BRME1: variants seen among roughly 807,000 people sequenced by gnomAD.
The protein encoded by BRME1 is BRCA2 and MEILB2-associating protein 1.
Under a neutral mutation model 52.6 loss-of-function variants are expected in BRME1, and 31 were observed. The ratio of observed to expected loss-of-function variants is 0.59; its 90% CI spans 0.44 to 0.80. The LOEUF (loss-of-function observed/expected upper bound fraction) is 0.80, where lower values mean the gene tolerates loss of function less well. Among genes scored for constraint, BRME1 ranks in the 30% least tolerant of loss-of-function variants. The pLI is 0.00. For missense variants in BRME1, 804 were observed against 860.3 expected, an observed-to-expected ratio of 0.93 and a Z score of 0.82; for synonymous variants, 359 against 353.6, an observed-to-expected ratio of 1.02 and a Z score of -0.17.
Position 13,889,626 on chromosome 19 carries a change from A to T in BRME1, c.1230T>A (p.Asp410Glu). 6.2e-7 allele frequency: 1 copy of T among 1,608,484 alleles called. No individual in the cohort carries two copies. Among genetic ancestry groups the T allele is most frequent in the South Asian group, 1.1e-5 (1 of 90,690 alleles). Residue 410 changes from aspartate (D) to glutamate (E), a missense_variant, in exon 6 of 9, where the codon GAT becomes GAA. By Grantham distance (45) the Asp-to-Glu change is conservative. Transcript: ENST00000586783. The part of the protein sequence containing the change: ...EAGQDGKPPG[D>E]VLVGPTASLA... ...GGGAGGCTGTAGGGCCCACTAGGAC[A>T]TCGCCGGGGGGCTTGCCATCCTGCC... is the stretch of plus-strand genomic sequence containing the variant.
rs142083822 is a variant in BRME1 at position 13,882,909 on chromosome 19, G to T, written c.1900C>A (p.Arg634Ser). Residue 634 changes from arginine to serine, a missense_variant, in exon 9 of 9, where the codon CGC becomes AGC. Physicochemically the swap from Arg to Ser is moderately radical, Grantham distance 110. This residue lies in a region of BRME1 where 552 missense variants were observed against 561.1 expected (regional missense o/e 0.98). Coordinates refer to ENST00000586783, the MANE Select transcript of BRME1 (RefSeq NM_001345843.2). Reference sequence around the variant, plus strand: ...AGCTTTGTCTTCCGGTAGTTAAGGCGCTTGAAAGCTTCCAGGTCCCGGTGG... The same window carrying T: ...AGCTTTGTCTTCCGGTAGTTAAGGCTCTTGAAAGCTTCCAGGTCCCGGTGG... ...GTHRDLEAFK[R>S]LNYRKTKLGG... 57 of 1,613,926 alleles carry T rather than the reference G, an allele frequency of 3.5e-5. No individual in the cohort carries two copies. Among genetic ancestry groups the T allele is most frequent in the Middle Eastern group, 3.3e-4 (2 of 6,012 alleles).
At position 13,890,626 on chromosome 19, in the gene BRME1, A is replaced by G. The variant is rs147832236; in HGVS notation, c.394-164T>C. Among the ~76,000 whole-genome samples the G allele has an allele frequency of 5.2e-3, 786 of 152,244 alleles. 14 individuals carry two copies. Among genetic ancestry groups the G allele is most frequent in the African/African-American group, 0.018 (754 of 41,540 alleles). Reference sequence around the variant, plus strand: ...ATGCCTGTAATCCCAGCACTTTGGGAGGCCGAGGTGGGCGGATCACTTGAG... The same window carrying G: ...ATGCCTGTAATCCCAGCACTTTGGGGGGCCGAGGTGGGCGGATCACTTGAG... On this transcript the variant is annotated intron_variant, in intron 5 of 8. Coordinates refer to ENST00000586783, the MANE Select transcript of BRME1 (RefSeq NM_001345843.2).
At position 13,889,878 on chromosome 19, in the gene BRME1, A is replaced by G. The variant is rs781512318; in HGVS notation, c.978T>C (p.His326=). 2 of 1,613,060 alleles carry G rather than the reference A, an allele frequency of 1.2e-6. No homozygotes were observed. Among genetic ancestry groups the G allele is most frequent in the African/African-American group, 2.7e-5 (2 of 74,926 alleles). The change falls in exon 6 of 9, where the codon CAT becomes CAC. Residue 326 remains histidine, a synonymous_variant. Transcript: ENST00000586783. ...CGAGGGAGGAGCATCCCAGGCTGCT[A>G]TGAGTCCCTTCCCCTTCCCTACCCA... ...SRMGREGEGT[H]SSLGCSSLGM...
intron 3 of BRME1, 45 bp downstream of exon 3, chr19:13,895,327 G>A: frequency 6.3e-7 from 1 of 1,579,338 alleles, no homozygotes; most frequent in Non-Finnish European, 8.6e-7. Context: ...TGTGCTATGT[G>A]GACTGTCAGT....
chr19:13,890,933 T>A (rs184917010), intron 5 of BRME1, among the ~76,000 whole-genome samples: 1 of 152,128 alleles, frequency 6.6e-6, no homozygotes, highest in East Asian at 1.9e-4. Flanking sequence ...GTCACCACCC[T>A]GTTCAAAGAC....
chr19:13,901,610 C>T (rs1246962238), intron 2 of BRME1, among the ~76,000 whole-genome samples: 1 of 149,806 alleles, frequency 6.7e-6, no homozygotes, highest in Non-Finnish European at 1.5e-5. Context: ...GAGGCATGAG[C>T]ATCACTTGAA....
chr19:13,904,630 C>CG (rs1970539340), intron 2 of BRME1, among the ~76,000 whole-genome samples: 1 of 151,186 alleles, frequency 6.6e-6, no homozygotes, highest in Admixed American at 6.6e-5. Flanking sequence ...TTAGTAGAGA[C>CG]GGGGTTTCAC....
rs553186333 is a variant in BRME1 at position 13,883,039 on chromosome 19, A to G, written c.1857-87T>C. 1.1e-5 allele frequency: 16 copies of G among 1,499,476 alleles called. No homozygotes were observed. In the African/African-American group the frequency reaches 1.5e-4, roughly 14 times the overall value. The allele number at this position is 1,499,476 out of a possible 1,614,324, so 92.9% of individuals were successfully genotyped here. A position where few individuals can be genotyped will look rare whatever the true frequency, so the allele number is the denominator to read the frequency against. On this transcript the variant is annotated intron_variant, in intron 8 of 8. Transcript: ENST00000586783. The surrounding 1 kb of genome is among the most constrained non-coding windows in gnomAD (Gnocchi z 4.2). The stretch of plus-strand genomic sequence containing the variant: ...GCGCCTCACAGCCACATGGTCACCA[A>G]TGACTCAGGTGCACACACACGGCTC...
In BRME1 at chr19:13,889,387, T is replaced by C. The variant is rs765845203; in HGVS notation, c.1469A>G (p.Asp490Gly). The C allele has an allele frequency of 6.2e-7, 1 of 1,614,050 alleles. No homozygotes were observed. The highest frequency in any genetic ancestry group is 2.2e-5 in the East Asian group (1 of 44,872). The change falls in exon 6 of 9, where the codon GAC becomes GGC. Residue 490 changes from aspartate (D) to glycine (G), a missense_variant. Coordinates refer to ENST00000586783, the MANE Select transcript of BRME1 (RefSeq NM_001345843.2). ...AGCCCCGGGCTCCTGGAGAGGGTCG[T>C]CTGCTATTTCTCTGTGTTCCAGCAC... ...SVVLEHREIA[D>G]DPLQEPGAQQ...
intron 2 of BRME1, among the ~76,000 whole-genome samples, chr19:13,897,468 T>C (rs1390989703): frequency 1.3e-5 from 2 of 152,158 alleles, no homozygotes; most frequent in Non-Finnish European, 2.9e-5. Flanking sequence ...TCCTAAGAAC[T>C]TGTGTGTGTT....
At chr19:13,892,233 G>A (rs1969554631) in intron 5 of BRME1, among the ~76,000 whole-genome samples, 1 of 152,124 alleles carries the variant, frequency 6.6e-6, no homozygotes, top group South Asian at 2.1e-4. Flanking sequence ...GTTACCACTC[G>A]GTGAAGCTAA....
intron 4 of BRME1, 84 bp downstream of exon 4, chr19:13,893,058 G>A: frequency 7.0e-7 from 1 of 1,419,348 alleles, no homozygotes; most frequent in Non-Finnish European, 9.7e-7. Flanking sequence ...TGAGCAATTG[G>A]TGACAAAGAA....
chr19:13,902,125 G>A (rs1349308422), intron 2 of BRME1, among the ~76,000 whole-genome samples: 9 of 151,526 alleles, frequency 5.9e-5, no homozygotes, highest in Non-Finnish European at 7.4e-5. Flanking sequence ...GATCATGTGA[G>A]GCCAGGAGTT....
chr19:13,892,874 A>G lies in BRME1; in HGVS notation c.305T>C (p.Phe102Ser), dbSNP rs1254275757. The G allele has an allele frequency of 1.2e-6, 2 of 1,613,626 alleles. No homozygotes were observed. The highest frequency in any genetic ancestry group is 1.7e-6 in the Non-Finnish European group (2 of 1,179,486). The change falls in exon 5 of 9, where the codon TTT (phenylalanine) becomes TCT (serine). Residue 102 changes from phenylalanine (F) to serine (S), a missense_variant. Physicochemically the swap from Phe to Ser is radical, Grantham distance 155. Transcript: ENST00000586783. ...CCTGGATTTTGCAAACTGGGGAACA[A>G]ACCTCCCGAATGAGTTCTGTAAACC... ...LPPSQNSFGRFVPQFAKSRKT... is the reference protein window; with the variant it reads ...LPPSQNSFGRSVPQFAKSRKT...
At chr19:13,900,319 A>G (rs981633397) in intron 2 of BRME1, among the ~76,000 whole-genome samples, 2 of 152,108 alleles carry the variant, frequency 1.3e-5, no homozygotes, top group Non-Finnish European at 2.9e-5. Flanking sequence ...TCCAGCACAC[A>G]CAGAAAGGGT....
In BRME1 at chr19:13,895,545, T is replaced by A; in HGVS notation, c.33A>T (p.Gly11=). MTKRKKLRTS[G]EGLCPPKPLK... is the part of the protein sequence containing the mutation. Reference sequence around the variant, plus strand: ...GGGGTTTTGGAGGACAGAGTCCCTCTCCTGTTTTAGAGACAGAGGAAGATG... The same window carrying A: ...GGGGTTTTGGAGGACAGAGTCCCTCACCTGTTTTAGAGACAGAGGAAGATG... Residue 11 remains glycine (G), a splice_region_variant and synonymous_variant, in exon 3 of 9, where the codon GGA becomes GGT. Transcript: ENST00000586783. The A allele has an allele frequency of 6.2e-7, 1 of 1,611,892 alleles. No individual in the cohort carries two copies. The highest frequency in any genetic ancestry group is 8.5e-7 in the Non-Finnish European group (1 of 1,178,958).
intron 5 of BRME1, 34 bp downstream of exon 5, chr19:13,892,752 G>T: frequency 6.4e-7 from 1 of 1,568,196 alleles, no homozygotes; most frequent in Non-Finnish European, 8.8e-7. Flanking sequence ...CTGCACCTGC[G>T]CTGGGCTCAG....
rs991312366 is a variant in BRME1, at chr19:13,883,386, A to C, written c.1778T>G (p.Ile593Ser). ...CATCCTGGAGGCCTCAGAGGCCTGG[A>C]TCCCCACGAAGGTCCTGGCCAGCAG... ...AKAQPRTFVG[I>S]QASEASRMED... The change falls in exon 8 of 9, where the codon ATC becomes AGC. Residue 593 changes from isoleucine to serine, a missense_variant. By Grantham distance (142) the Ile-to-Ser change is moderately radical (BLOSUM62 -2). This residue lies in a region of BRME1 where 552 missense variants were observed against 561.1 expected (regional missense o/e 0.98). Coordinates refer to ENST00000586783, the MANE Select transcript of BRME1 (RefSeq NM_001345843.2). The surrounding 1 kb of genome is among the most constrained non-coding windows in gnomAD (Gnocchi z 4.2). 57 of 1,534,214 alleles carry C rather than the reference A, an allele frequency of 3.7e-5. No individual in the cohort carries two copies. Among genetic ancestry groups the C allele is most frequent in the Non-Finnish European group, 4.9e-5 (56 of 1,145,492 alleles).
chr19:13,892,495 G>A (rs1006838024), intron 5 of BRME1, among the ~76,000 whole-genome samples: 36 of 152,138 alleles, frequency 2.4e-4, no homozygotes, highest in Non-Finnish European at 4.7e-4. Flanking sequence ...GCTGAGGCGG[G>A]AGAATTGCTT....
Sources: gnomAD v4.1 joint callset for allele counts (sites outside exome capture counted in the v4.1 genomes callset) on GRCh38, gnomAD v4.1.1 for gene constraint, gnomAD v4.1.1 regional missense constraint, Gnocchi (gnomAD v3.1) non-coding constraint, MANE v1.5 for transcripts, NCBI Gene and HGNC (gene_info 2026-07-23, HGNC 2026-07-21) for gene names.